Variants in PRKAR1A observed in about 807,000 individuals in gnomAD.
PRKAR1A encodes protein kinase cAMP-dependent type I regulatory subunit alpha, also known as cAMP-dependent protein kinase type I-alpha regulatory subunit.
In PRKAR1A, 3 loss-of-function variants were observed where a neutral mutation model predicts 52.0. That is an observed-to-expected ratio of 0.06 (90% confidence interval 0.03 to 0.15). The LOEUF is 0.15. Among genes scored for constraint, PRKAR1A ranks in the 10% least tolerant of loss-of-function variants. The pLI is 1.00. For synonymous variants in PRKAR1A, 188 were observed against 168.4 expected, an observed-to-expected ratio of 1.12 and a Z score of -0.90; for missense variants, 240 against 477.4, an observed-to-expected ratio of 0.50 and a Z score of 4.63.
chr17:68,522,740 T>A lies in PRKAR1A; in HGVS notation c.178-16T>A, dbSNP rs756669596. ...TGCCGAAGGATCTCATTTTGCAAAC[T>A]CGTAATTTCTTTCAGGAGGAGGCAA... On this transcript the variant is annotated splice_polypyrimidine_tract_variant and intron_variant, in intron 2 of 10. Coordinates refer to ENST00000589228, the MANE Select transcript of PRKAR1A (RefSeq NM_002734.5). 6.2e-7 allele frequency: 1 copy of A among 1,613,954 alleles called. No homozygotes were observed. The highest frequency in any genetic ancestry group is 8.5e-7 in the Non-Finnish European group (1 of 1,179,968).
the PRKAR1A span, chr17:68,440,915 T>A: frequency 6.6e-6 from 1 of 152,224 alleles, no homozygotes; most frequent in Non-Finnish European, 1.5e-5. Context: ...TAGAAAGACA[T>A]CTTCTTTGTA....
intron 11 of PRKAR1A, chr17:68,539,817 G>T (rs893266607): frequency 3.3e-6 from 5 of 1,501,696 alleles, no homozygotes; most frequent in African/African-American, 1.4e-5. Flanking sequence ...TGTTTCCCCC[G>T]AGCAGCTGGC....
At chr17:68,465,151 C>G in the PRKAR1A span, among the ~76,000 whole-genome samples, 1 of 151,750 alleles carries the variant, frequency 6.6e-6, no homozygotes, top group Non-Finnish European at 1.5e-5. Context: ...CCAGGATGGT[C>G]TCCATCACCT....
At chr17:68,497,910 T>A in the PRKAR1A span, among the ~76,000 whole-genome samples, 3 of 152,008 alleles carry the variant, frequency 2.0e-5, no homozygotes, top group Non-Finnish European at 4.4e-5. Context: ...GGCAGAGAAA[T>A]AATTAAGGGG....
intron 7 of PRKAR1A, 113 bp downstream of exon 7, chr17:68,526,025 T>C (rs1469106054): frequency 2.2e-6 from 3 of 1,340,304 alleles, no homozygotes; most frequent in Non-Finnish European, 3.0e-6. Context: ...AAATATTTCT[T>C]TCTTTTAATA....
the PRKAR1A span, among the ~76,000 whole-genome samples, chr17:68,486,555 T>TTCTTTCTTTCTTTC: frequency 6.9e-6 from 1 of 143,912 alleles, no homozygotes; most frequent in African/African-American, 2.6e-5. Flanking sequence ...CTTTCTTTCT[T>TTCTTTCTTTCTTTC]TCTTTCTTTC....
the PRKAR1A span, among the ~76,000 whole-genome samples, chr17:68,476,532 C>G: frequency 6.6e-6 from 1 of 152,192 alleles, no homozygotes; most frequent in Non-Finnish European, 1.5e-5. Context: ...CCCGGGGCAA[C>G]CACTGTTACC....
the PRKAR1A span, among the ~76,000 whole-genome samples, chr17:68,451,835 C>T: frequency 5.3e-5 from 8 of 152,308 alleles, no homozygotes; most frequent in African/African-American, 1.9e-4. Flanking sequence ...TAGTTAATGA[C>T]CCTCCTGAGC....
the PRKAR1A span, among the ~76,000 whole-genome samples, chr17:68,500,294 G>T: frequency 6.6e-6 from 1 of 152,128 alleles, no homozygotes; most frequent in Admixed American, 6.5e-5. Flanking sequence ...TCATGGGGGC[G>T]GTTCCCCCAT....
the PRKAR1A span, among the ~76,000 whole-genome samples, chr17:68,440,072 A>G: frequency 2.0e-5 from 3 of 152,226 alleles, no homozygotes; most frequent in Non-Finnish European, 4.4e-5. Context: ...TTGACACTAG[A>G]TGCTAACAAG....
chr17:68,458,650 C>G, the PRKAR1A span, among the ~76,000 whole-genome samples: 1 of 152,156 alleles, frequency 6.6e-6, no homozygotes. Flanking sequence ...TCGAGATAAA[C>G]CTTAACAAAG....
the PRKAR1A span, among the ~76,000 whole-genome samples, chr17:68,495,698 T>C: frequency 1.3e-5 from 2 of 152,136 alleles, no homozygotes; most frequent in Non-Finnish European, 2.9e-5. Context: ...ATCTGTGTAT[T>C]AGTTTCTTTT....
intron 9 of PRKAR1A, among the ~76,000 whole-genome samples, 166 bp from the exon 10 acceptor site, chr17:68,529,754 G>A (rs559434297): frequency 6.6e-6 from 1 of 152,372 alleles, no homozygotes; most frequent in Non-Finnish European, 1.5e-5. Flanking sequence ...GCTAGCAGGA[G>A]ATGCTGGTAA....
chr17:68,448,012 A>G, the PRKAR1A span, among the ~76,000 whole-genome samples: 3 of 151,386 alleles, frequency 2.0e-5, no homozygotes, highest in African/African-American at 7.3e-5. Flanking sequence ...AAAAAGATAA[A>G]AGGGATTTTG....
chr17:68,433,760 G>GTTTTTTTTT, the PRKAR1A span, among the ~76,000 whole-genome samples: 32 of 72,820 alleles, frequency 4.4e-4, 1 homozygote, highest in African/African-American at 1.4e-3. Flanking sequence ...AAGGGTCATA[G>GTTTTTTTTT]TTTTTTTTTT....
the PRKAR1A span, among the ~76,000 whole-genome samples, chr17:68,473,563 C>T: frequency 6.6e-6 from 1 of 152,084 alleles, no homozygotes; most frequent in South Asian, 2.1e-4. Flanking sequence ...CACTCTGTCG[C>T]CCAGGCTGGA....
At position 68,530,494 on chromosome 17, in the gene PRKAR1A, C is replaced by T. The variant is rs1271209848; in HGVS notation, c.*45C>T. 1 of 1,613,872 alleles carries T rather than the reference C, an allele frequency of 6.2e-7. No homozygotes were observed. On this transcript the variant is annotated 3_prime_UTR_variant, in exon 11 of 11. Coordinates refer to ENST00000589228, the MANE Select transcript of PRKAR1A (RefSeq NM_002734.5). ...CCTTTTCTCCTCTCCCCAATCCATGCTTCACTCATGCAAACTGCTTTATTT... is the reference window on the plus strand; with the variant it reads ...CCTTTTCTCCTCTCCCCAATCCATGTTTCACTCATGCAAACTGCTTTATTT...
chr17:68,456,915 C>G, the PRKAR1A span, among the ~76,000 whole-genome samples: 12 of 152,316 alleles, frequency 7.9e-5, no homozygotes, highest in East Asian at 2.3e-3. Context: ...GTACTCTCAT[C>G]TTCCTGGGCC....
chr17:68,499,368 AAGAGAGAGAGAG>A, the PRKAR1A span, among the ~76,000 whole-genome samples: 38 of 140,402 alleles, frequency 2.7e-4, no homozygotes, highest in South Asian at 2.8e-3. Context: ...AAGGGAGGAA[AAGAGAGAGAGAG>A]AGAGAGAGAG....
Sources: allele counts gnomAD v4.1 joint callset (sites outside exome capture counted in the v4.1 genomes callset), GRCh38; gene constraint gnomAD v4.1.1; transcripts MANE v1.5; gene names NCBI Gene and HGNC (gene_info 2026-07-23, HGNC 2026-07-21).